Variants in PKD1L3 observed in about 807,000 individuals in gnomAD.
PKD1L3 encodes the protein polycystin 1 like 3, transient receptor potential channel interacting, also known as polycystin-1-like protein 3.
PKD1L3 carries 239 observed loss-of-function variants against 184.1 expected under a neutral mutation model. The ratio of observed to expected loss-of-function variants is 1.30; its 90% CI spans 1.17 to 1.45. The LOEUF (loss-of-function observed/expected upper bound fraction) is 1.45, where lower values mean the gene tolerates loss of function less well. Ranked by LOEUF, PKD1L3 falls within the 40% of genes most tolerant of loss-of-function variation. The pLI is 0.00. For synonymous variants in PKD1L3, 996 were observed against 778.8 expected, an observed-to-expected ratio of 1.28 and a Z score of -4.64; for missense variants, 2,660 against 2,067.2, an observed-to-expected ratio of 1.29 and a Z score of -5.56.
At chr16:71,994,709 T>C (rs1006580605) in intron 2 of PKD1L3, among the ~76,000 whole-genome samples, 3 of 152,136 alleles carry the variant, frequency 2.0e-5, no homozygotes, top group South Asian at 2.1e-4. Flanking sequence ...CTTTTTACAA[T>C]GTTAACAGGC....
intron 23 of PKD1L3, 90 bp from the exon 24 acceptor site, chr16:71,943,114 T>TAGGAAAA: frequency 9.2e-7 from 1 of 1,083,686 alleles, no homozygotes; most frequent in Non-Finnish European, 1.3e-6. Context: ...TCTATAGACT[T>TAGGAAAA]ATGCAGGTCA....
At chr16:71,941,936 T>G (rs983318603) in intron 24 of PKD1L3, among the ~76,000 whole-genome samples, 5 of 151,862 alleles carry the variant, frequency 3.3e-5, no homozygotes, top group African/African-American at 1.2e-4. Flanking sequence ...CTAAAAACTT[T>G]TGGGGTTGGG....
In PKD1L3 at chr16:71,993,201, G is replaced by A. The variant is rs1287099705; in HGVS notation, c.535+15C>T. On this transcript the variant is annotated intron_variant, in intron 3 of 29. Coordinates refer to ENST00000620267, the MANE Select transcript of PKD1L3 (RefSeq NM_181536.2). The stretch of plus-strand genomic sequence containing the variant: ...TCCACGGATTTTTAAGGTTACTAGA[G>A]GAGTAACGCATTACCTGGGGGCATT... 1.3e-6 allele frequency: 2 copies of A among 1,486,458 alleles called. No homozygotes were observed. Among genetic ancestry groups the A allele is most frequent in the East Asian group, 2.5e-5 (1 of 40,420 alleles). The allele number at this position is 1,486,458 out of a possible 1,614,324, so 92.1% of individuals were successfully genotyped here. A position where few individuals can be genotyped will look rare whatever the true frequency, so the allele number is the denominator to read the frequency against.
chr16:71,948,567 G>C (rs900316949), intron 21 of PKD1L3, among the ~76,000 whole-genome samples: 4 of 152,146 alleles, frequency 2.6e-5, no homozygotes, highest in African/African-American at 9.7e-5. Flanking sequence ...AACCTCTCTA[G>C]CAAAAGGTGC....
At chr16:71,986,588 TG>T in intron 4 of PKD1L3, 119 bp from the exon 5 acceptor site, 1 of 1,178,080 alleles carries the variant, frequency 8.5e-7, no homozygotes, top group Non-Finnish European at 1.2e-6. Context: ...TAGGCATTTC[TG>T]TTAAAAAAAA....
chr16:71,940,647 G>A (rs1597285706), intron 24 of PKD1L3, among the ~76,000 whole-genome samples: 1 of 151,680 alleles, frequency 6.6e-6, no homozygotes, highest in African/African-American at 2.4e-5. Context: ...TTACAGGCAT[G>A]TGCCACCATG....
At chr16:71,986,607 CTCAA>C in intron 4 of PKD1L3, 138 bp from the exon 5 acceptor site, 1 of 993,486 alleles carries the variant, frequency 1.0e-6, no homozygotes, top group Non-Finnish European at 1.4e-6. Flanking sequence ...AAATTCTGTG[CTCAA>C]ACAGAATTTT....
chr16:71,978,237 C>T lies in PKD1L3; in HGVS notation c.1527+18G>A. 1.9e-6 allele frequency: 3 copies of T among 1,544,776 alleles called. No individual in the cohort carries two copies. Among genetic ancestry groups the T allele is most frequent in the Non-Finnish European group, 2.6e-6 (3 of 1,142,210 alleles). Reference sequence around the variant, plus strand: ...ATCCCATTCTCTTCTATTTTATTCCCTAAGAATCAGTTCCTACCTCAATGT... The same window carrying T: ...ATCCCATTCTCTTCTATTTTATTCCTTAAGAATCAGTTCCTACCTCAATGT... On this transcript the variant is annotated intron_variant, in intron 10 of 29. Coordinates refer to ENST00000620267, the MANE Select transcript of PKD1L3 (RefSeq NM_181536.2).
At chr16:71,991,359 A>G (rs2040583575) in intron 3 of PKD1L3, 2 of 193,752 alleles carry the variant, frequency 1.0e-5, no homozygotes, top group Admixed American at 1.1e-4. Flanking sequence ...AGGTAGAGGT[A>G]ACCAAACAAA....
At chr16:71,990,609 A>G (rs1270555538) in intron 3 of PKD1L3, among the ~76,000 whole-genome samples, 1 of 151,744 alleles carries the variant, frequency 6.6e-6, no homozygotes, top group East Asian at 1.9e-4. Flanking sequence ...TGGCGGATGC[A>G]TATAATCCCA....
chr16:71,949,804 G>A lies in PKD1L3; in HGVS notation c.3597C>T (p.Ile1199=). 6.4e-7 allele frequency: 1 copy of A among 1,550,818 alleles called. No individual in the cohort carries two copies. The highest frequency in any genetic ancestry group is 1.2e-5 in the South Asian group (1 of 84,012). ...ATACCTTTACTGGCTGGCTGATGAAGATGTTCTGAAGCACTGATAAAATAA... is the reference window on the plus strand; with the variant it reads ...ATACCTTTACTGGCTGGCTGATGAAAATGTTCTGAAGCACTGATAAAATAA... ...ISIILSVLQN[I]FISQPVKVVF... Residue 1199 remains isoleucine (I), a synonymous_variant, in exon 21 of 30, where the codon ATC becomes ATT. Coordinates refer to ENST00000620267, the MANE Select transcript of PKD1L3 (RefSeq NM_181536.2).
intron 2 of PKD1L3, among the ~76,000 whole-genome samples, chr16:71,996,253 C>CTTTTTTTTTTTTT (rs67457253): frequency 2.9e-5 from 2 of 67,862 alleles, no homozygotes; most frequent in Non-Finnish European, 5.0e-5. Flanking sequence ...CCTCCCCCGC[C>CTTTTTTTTTTTTT]TTTTTTTTTT....
chr16:71,951,426 T>C, intron 19 of PKD1L3, 138 bp downstream of exon 19: 1 of 821,230 alleles, frequency 1.2e-6, no homozygotes, highest in Non-Finnish European at 1.9e-6. Context: ...ATCAACTCTA[T>C]ACTAGAAGCT....
rs766138456 is a variant in PKD1L3 at position 71,999,965 on chromosome 16, C to T, written c.14G>A (p.Gly5Glu). ...GATGTATAACCAAAGCCAGCTTCCT[C>T]CTTTGAAGAACATTTTCTCTGAATT... is the stretch of plus-strand genomic sequence containing the variant. MFFK[G>E]GSWLWLYIRT... Residue 5 changes from glycine (G) to glutamate (E), a missense_variant, in exon 1 of 30, where the codon GGA becomes GAA. Gly to Glu is a moderately conservative substitution (Grantham distance 98). Coordinates refer to ENST00000620267, the MANE Select transcript of PKD1L3 (RefSeq NM_181536.2). The T allele has an allele frequency of 8.5e-6, 13 of 1,520,478 alleles. No individual in the cohort carries two copies. The highest frequency in any genetic ancestry group is 1.2e-5 in the Non-Finnish European group (13 of 1,126,238). 94.2% of individuals were successfully genotyped at this position (1,520,478 alleles called of 1,614,324 possible).
chr16:71,989,674 A>G (rs570806144), intron 4 of PKD1L3, among the ~76,000 whole-genome samples: 1 of 152,188 alleles, frequency 6.6e-6, no homozygotes, highest in Non-Finnish European at 1.5e-5. Flanking sequence ...ATTGCATTGT[A>G]TTTTTGTAAG....
Position 71,930,048 on chromosome 16 carries a change from C to T in PKD1L3, c.5058+4G>A, listed in dbSNP as rs748390045. 1.2e-5 allele frequency: 19 copies of T among 1,545,560 alleles called. No individual in the cohort carries two copies. Among genetic ancestry groups the T allele is most frequent in the Non-Finnish European group, 1.5e-5 (17 of 1,144,934 alleles). ...GCATGCTAGTTTATCTTTTAGTTACCTACCTTAAGCGACTTTCTTTCTTTT... is the reference window on the plus strand; with the variant it reads ...GCATGCTAGTTTATCTTTTAGTTACTTACCTTAAGCGACTTTCTTTCTTTT... On this transcript the variant is annotated splice_donor_region_variant and intron_variant, in intron 29 of 29. Transcript: ENST00000620267.
At chr16:71,945,285 TATATATATATATATATATATACAC>T (rs1418723063) in intron 22 of PKD1L3, among the ~76,000 whole-genome samples, 1 of 59,302 alleles carries the variant, frequency 1.7e-5, no homozygotes, top group African/African-American at 9.9e-5. Flanking sequence ...TATATATATA[TATATATATATATATATATATACAC>T]ACACACACAC....
chr16:71,976,416 C>T (rs1454330675), intron 11 of PKD1L3, among the ~76,000 whole-genome samples: 1 of 151,224 alleles, frequency 6.6e-6, no homozygotes, highest in Non-Finnish European at 1.5e-5. Context: ...CCACCACACC[C>T]ATCTAATTTT....
intron 29 of PKD1L3, 102 bp downstream of exon 29, chr16:71,929,950 A>G: frequency 1.5e-6 from 2 of 1,317,446 alleles, no homozygotes; most frequent in Non-Finnish European, 2.0e-6. Flanking sequence ...GGAATATGAT[A>G]CTGTGCATTA....
Sources: allele counts gnomAD v4.1 joint callset (sites outside exome capture counted in the v4.1 genomes callset), GRCh38; gene constraint gnomAD v4.1.1; transcripts MANE v1.5; gene names NCBI Gene and HGNC (gene_info 2026-07-23, HGNC 2026-07-21).